The following TENM3 variants were observed in gnomAD, a reference collection of about 807,000 sequenced individuals.
TENM3 encodes the protein teneurin-3.
In TENM3, 63 loss-of-function variants were observed where a neutral mutation model predicts 255.1. The ratio of observed to expected loss-of-function variants is 0.25; its 90% CI spans 0.20 to 0.30. The LOEUF (loss-of-function observed/expected upper bound fraction) is 0.30, where lower values mean the gene tolerates loss of function less well. TENM3 is among the 10% of genes least tolerant of loss of function. The pLI is 1.00. For missense variants in TENM3, 2,929 were observed against 3,461.1 expected, an observed-to-expected ratio of 0.85 and a Z score of 3.86; for synonymous variants, 1,306 against 1,322.3, an observed-to-expected ratio of 0.99 and a Z score of 0.27.
the TENM3 span, among the ~76,000 whole-genome samples, chr4:181,883,486 G>A: frequency 6.6e-6 from 1 of 152,070 alleles, no homozygotes; most frequent in African/African-American, 2.4e-5. Flanking sequence ...TTTTGTTGTT[G>A]TTGAGGCGGA....
chr4:181,517,815 T>C, the TENM3 span, among the ~76,000 whole-genome samples: 1 of 152,164 alleles, frequency 6.6e-6, no homozygotes, highest in African/African-American at 2.4e-5. Context: ...AACATGCCCT[T>C]TCATTTTGGT....
At chr4:181,807,132 C>T in the TENM3 span, among the ~76,000 whole-genome samples, 1 of 152,170 alleles carries the variant, frequency 6.6e-6, no homozygotes, top group African/African-American at 2.4e-5. Context: ...TTCTTTTCTA[C>T]CCTGCGTTGT....
the TENM3 span, among the ~76,000 whole-genome samples, chr4:181,791,861 C>A: frequency 1.3e-5 from 2 of 152,172 alleles, no homozygotes; most frequent in Non-Finnish European, 2.9e-5. Context: ...GCAACGGACA[C>A]TGTGTTGTTT....
At chr4:182,103,281 A>C in the TENM3 span, among the ~76,000 whole-genome samples, 1 of 152,250 alleles carries the variant, frequency 6.6e-6, no homozygotes, top group African/African-American at 2.4e-5. Context: ...CACTTTTAAT[A>C]TTGCCGAAGG....
the TENM3 span, among the ~76,000 whole-genome samples, chr4:181,967,640 C>G: frequency 1.3e-5 from 2 of 152,058 alleles, no homozygotes; most frequent in Non-Finnish European, 2.9e-5. Flanking sequence ...TTGCTACGGG[C>G]TGATGATTTC....
At chr4:181,950,877 C>CA in the TENM3 span, among the ~76,000 whole-genome samples, 16 of 151,996 alleles carry the variant, frequency 1.1e-4, no homozygotes, top group Non-Finnish European at 1.8e-4. Context: ...CCTGTCTCTA[C>CA]AAAAAATAAA....
At chr4:181,516,911 A>G in the TENM3 span, among the ~76,000 whole-genome samples, 9,464 of 152,248 alleles carry the variant, frequency 0.062, 390 homozygotes, top group South Asian at 0.15. Flanking sequence ...CAGATAAAAG[A>G]ACTAAGCCCA....
At chr4:182,163,827 T>C (rs1751517762) in intron 1 of TENM3, among the ~76,000 whole-genome samples, 1 of 152,196 alleles carries the variant, frequency 6.6e-6, no homozygotes, top group African/African-American at 2.4e-5. Flanking sequence ...CTCTACTTTC[T>C]TGGTATCTGT....
chr4:181,496,917 T>C, the TENM3 span, among the ~76,000 whole-genome samples: 1 of 152,196 alleles, frequency 6.6e-6, no homozygotes, highest in Non-Finnish European at 1.5e-5. Context: ...TAGCTCCCTA[T>C]ACACAGAGAA....
chr4:182,012,344 C>T, the TENM3 span, among the ~76,000 whole-genome samples: 1 of 152,196 alleles, frequency 6.6e-6, no homozygotes, highest in Admixed American at 6.5e-5. Flanking sequence ...TAATTCCAGG[C>T]AGTACTTAAT....
At chr4:181,696,973 A>C in the TENM3 span, among the ~76,000 whole-genome samples, 13 of 152,334 alleles carry the variant, frequency 8.5e-5, no homozygotes, top group African/African-American at 2.9e-4. Context: ...AAGTTTCAGA[A>C]GCCAGATTTC....
chr4:182,467,830 G>T lies in TENM3; in HGVS notation c.511+120901G>T, dbSNP rs929331523. Among the ~76,000 whole-genome samples the T allele has an allele frequency of 2.0e-5, 3 of 152,198 alleles. No homozygotes were observed. In the South Asian group the frequency reaches 6.2e-4, roughly 32 times the overall value. The stretch of plus-strand genomic sequence containing the variant: ...ATCCAATCTGGTAATTAGAGTGTTA[G>T]AGTGGTTTATGCCTTTTTAGGGGAG... On this transcript the variant is annotated intron_variant, in intron 3 of 27. Coordinates refer to ENST00000511685, the MANE Select transcript of TENM3 (RefSeq NM_001080477.4).
chr4:181,550,509 G>A, the TENM3 span, among the ~76,000 whole-genome samples: 18,885 of 152,090 alleles, frequency 0.12, 1,342 homozygotes, highest in Middle Eastern at 0.24. Context: ...GTCAATGATC[G>A]AGTCTTTCTG....
chr4:181,512,421 G>A, the TENM3 span, among the ~76,000 whole-genome samples: 2 of 152,148 alleles, frequency 1.3e-5, no homozygotes, highest in South Asian at 2.1e-4. Flanking sequence ...AAATGCCATG[G>A]AAGAGCAAAG....
intron 4 of TENM3, among the ~76,000 whole-genome samples, chr4:182,623,234 C>T (rs958753852): frequency 6.6e-6 from 1 of 151,854 alleles, no homozygotes. Context: ...AAGATGGTCT[C>T]GATTTCCTGA....
chr4:181,755,803 A>G, the TENM3 span, among the ~76,000 whole-genome samples: 78 of 152,202 alleles, frequency 5.1e-4, no homozygotes, highest in African/African-American at 1.8e-3. Context: ...GTAAATATCA[A>G]TCAAGGTTTG....
chr4:182,071,109 A>G, the TENM3 span, among the ~76,000 whole-genome samples: 1 of 14,742 alleles, frequency 6.8e-5, no homozygotes, highest in East Asian at 7.6e-3. Context: ...ACAAAAACTT[A>G]CTTCACAAAA....
At chr4:182,385,484 C>T (rs184100048) in intron 3 of TENM3, among the ~76,000 whole-genome samples, 29 of 152,118 alleles carry the variant, frequency 1.9e-4, no homozygotes, top group African/African-American at 6.5e-4. Flanking sequence ...AGGCTGGTCT[C>T]GAACCTCTAA....
chr4:182,018,369 A>G, the TENM3 span, among the ~76,000 whole-genome samples: 1 of 133,210 alleles, frequency 7.5e-6, no homozygotes, highest in Admixed American at 7.2e-5. Flanking sequence ...TGTAAGCTCA[A>G]TGGAAGAAGA....
Sources: gnomAD v4.1 joint callset for allele counts (sites outside exome capture counted in the v4.1 genomes callset) on GRCh38, gnomAD v4.1.1 for gene constraint, MANE v1.5 for transcripts, NCBI Gene and HGNC (gene_info 2026-07-23, HGNC 2026-07-21) for gene names.